Variants in CAST observed in about 807,000 individuals in gnomAD.
The protein encoded by CAST is calpastatin, also known as MIR583 host.
A neutral mutation model predicts 119.6 loss-of-function variants in CAST; 76 were observed. That is an observed-to-expected ratio of 0.64 (90% CI 0.53 to 0.77). The LOEUF (loss-of-function observed/expected upper bound fraction) is 0.77. Ranked by LOEUF, CAST falls within the 30% of genes least tolerant of loss-of-function variation. The pLI is 0.00. For synonymous variants in CAST, 319 were observed against 331.6 expected, an observed-to-expected ratio of 0.96 and a Z score of 0.41; for missense variants, 953 against 946.5, an observed-to-expected ratio of 1.01 and a Z score of -0.09.
chr5:95,987,695 T>G, the CAST span, among the ~76,000 whole-genome samples: 1 of 152,208 alleles, frequency 6.6e-6, no homozygotes, highest in Non-Finnish European at 1.5e-5. Context: ...TCTGTAAAAT[T>G]GGGACCAAAT....
chr5:96,339,078 A>C, the CAST span, among the ~76,000 whole-genome samples: 36 of 152,214 alleles, frequency 2.4e-4, no homozygotes, highest in Non-Finnish European at 2.6e-4. Context: ...ATGTGCTAAC[A>C]TAATGAGGGG....
the CAST span, among the ~76,000 whole-genome samples, chr5:96,403,472 G>A: frequency 6.4e-4 from 97 of 152,116 alleles, no homozygotes; most frequent in African/African-American, 2.3e-3. Flanking sequence ...TTGTTCATTC[G>A]TGTGCTTGTA....
chr5:96,483,994 C>T, the CAST span, among the ~76,000 whole-genome samples: 2 of 152,170 alleles, frequency 1.3e-5, no homozygotes, highest in Non-Finnish European at 2.9e-5. Flanking sequence ...GGGGCAGATT[C>T]AAGCCTTACT....
the CAST span, among the ~76,000 whole-genome samples, chr5:96,269,890 A>G: frequency 2.6e-5 from 4 of 152,194 alleles, no homozygotes; most frequent in Non-Finnish European, 5.9e-5. Context: ...AATACATTCT[A>G]TGAGGTCAGT....
the CAST span, among the ~76,000 whole-genome samples, chr5:96,041,196 C>T: frequency 1.9e-4 from 29 of 152,078 alleles, no homozygotes; most frequent in African/African-American, 7.0e-4. Flanking sequence ...GTACTGCTGC[C>T]ACAGATCAAG....
chr5:96,521,238 A>G (rs1049156592), upstream of CAST, among the ~76,000 whole-genome samples: 3 of 152,226 alleles, frequency 2.0e-5, no homozygotes, highest in Admixed American at 2.0e-4. Flanking sequence ...CAATTTGATC[A>G]TCTCACTCTG....
chr5:96,413,037 G>T, the CAST span: 1 of 787,258 alleles, frequency 1.3e-6, no homozygotes, highest in Non-Finnish European at 1.5e-6. Context: ...GAAACATGTA[G>T]CTTCAAAAGA....
the CAST span, among the ~76,000 whole-genome samples, chr5:96,458,210 A>T: frequency 6.6e-6 from 1 of 152,232 alleles, no homozygotes; most frequent in Non-Finnish European, 1.5e-5. Flanking sequence ...AAAAGTTAGA[A>T]AATTCAAATT....
At chr5:96,071,938 A>G in the CAST span, among the ~76,000 whole-genome samples, 1 of 152,236 alleles carries the variant, frequency 6.6e-6, no homozygotes, top group Non-Finnish European at 1.5e-5. Context: ...ACATGGGTAC[A>G]TAATTTATAT....
chr5:96,348,442 G>A, the CAST span, among the ~76,000 whole-genome samples: 1 of 151,974 alleles, frequency 6.6e-6, no homozygotes. Flanking sequence ...TGATTCCTAA[G>A]GAGAAGACTC....
At chr5:95,991,510 T>G in the CAST span, among the ~76,000 whole-genome samples, 2 of 144,530 alleles carry the variant, frequency 1.4e-5, no homozygotes, top group Non-Finnish European at 3.0e-5. Context: ...TTTTTTTTTT[T>G]TTTTTTTTTT....
chr5:96,494,455 T>C, the CAST span, among the ~76,000 whole-genome samples: 1 of 152,332 alleles, frequency 6.6e-6, no homozygotes, highest in East Asian at 1.9e-4. Context: ...AGGAACACCA[T>C]TGGCTTTATG....
upstream of CAST, chr5:96,662,214 C>T: frequency 1.9e-6 from 1 of 516,446 alleles, no homozygotes; most frequent in Non-Finnish European, 3.2e-6. Flanking sequence ...GAGCCCGGGT[C>T]CCTCCGCGGG....
chr5:96,755,519 C>A (rs1766113102), intron 22 of CAST, among the ~76,000 whole-genome samples: 1 of 152,142 alleles, frequency 6.6e-6, no homozygotes, highest in Admixed American at 6.5e-5. Flanking sequence ...AGGGGGAAGA[C>A]CCCATTATGA....
chr5:96,686,181 A>G (rs1357686198), intron 2 of CAST, among the ~76,000 whole-genome samples: 1 of 148,132 alleles, frequency 6.8e-6, no homozygotes, highest in Non-Finnish European at 1.5e-5. Flanking sequence ...TTTTTTTTTC[A>G]CTCTTTATTT....
chr5:96,660,962 T>C (rs772019375), upstream of CAST, among the ~76,000 whole-genome samples: 5 of 151,564 alleles, frequency 3.3e-5, no homozygotes, highest in African/African-American at 4.9e-5. Context: ...AGGAAATGCA[T>C]TTAAATCCTC....
the CAST span, among the ~76,000 whole-genome samples, chr5:95,996,189 G>A: frequency 1.3e-5 from 2 of 152,148 alleles, no homozygotes; most frequent in Non-Finnish European, 2.9e-5. Context: ...GAAGATCAAG[G>A]CTGGTCACAA....
the CAST span, among the ~76,000 whole-genome samples, chr5:96,082,598 G>C: frequency 6.6e-6 from 1 of 152,072 alleles, no homozygotes; most frequent in African/African-American, 2.4e-5. Flanking sequence ...TTGCTTTACT[G>C]CTTCCAAAAT....
chr5:96,365,519 G>T, the CAST span, among the ~76,000 whole-genome samples: 1 of 152,176 alleles, frequency 6.6e-6, no homozygotes, highest in Non-Finnish European at 1.5e-5. Context: ...TGTATTGGGT[G>T]CATATATATT....
Sources: allele counts gnomAD v4.1 joint callset (sites outside exome capture counted in the v4.1 genomes callset), GRCh38; gene constraint gnomAD v4.1.1; transcripts MANE v1.5; gene names NCBI Gene and HGNC (gene_info 2026-07-23, HGNC 2026-07-21).